CSNK2A1: variants seen among roughly 807,000 people sequenced by gnomAD.
CSNK2A1 encodes the protein casein kinase II subunit alpha.
CSNK2A1 carries 10 observed loss-of-function variants against 62.9 expected under a neutral mutation model. That is an observed-to-expected ratio of 0.16 (90% CI 0.10 to 0.27). The LOEUF (loss-of-function observed/expected upper bound fraction) is 0.27, where lower values mean the gene tolerates loss of function less well. Among genes scored for constraint, CSNK2A1 ranks in the 10% least tolerant of loss-of-function variants. The pLI is 1.00. For missense variants in CSNK2A1, 160 were observed against 492.0 expected (o/e 0.33, Z 6.38); for synonymous variants, 124 against 167.8 (o/e 0.74, Z 2.02).
At chr20:500,485 C>G in intron 4 of CSNK2A1, 1 of 156,562 alleles carries the variant, frequency 6.4e-6, no homozygotes, top group Admixed American at 6.2e-5. Context: ...ACTACATAAC[C>G]TCTCTAAGCC....
At chr20:525,693 C>A (rs907860951) in intron 2 of CSNK2A1, among the ~76,000 whole-genome samples, 8 of 148,496 alleles carry the variant, frequency 5.4e-5, no homozygotes, top group Non-Finnish European at 8.9e-5. Flanking sequence ...AATAATTAGG[C>A]TGTGCACAGT....
intron 1 of CSNK2A1, among the ~76,000 whole-genome samples, chr20:536,562 T>C (rs1276928499): frequency 2.6e-5 from 4 of 152,100 alleles, no homozygotes; most frequent in Non-Finnish European, 5.9e-5. Flanking sequence ...CTTGAAGAGG[T>C]TAAGTAAACT....
chr20:504,730 C>A (rs2018540562), intron 4 of CSNK2A1: 1 of 182,594 alleles, frequency 5.5e-6, no homozygotes, highest in South Asian at 1.8e-4. Flanking sequence ...GCACTAATAT[C>A]ATCTGTCTGT....
chr20:503,709 A>C (rs970936519), intron 4 of CSNK2A1: 6 of 398,506 alleles, frequency 1.5e-5, no homozygotes, highest in African/African-American at 4.1e-5. Context: ...CACAAAAATC[A>C]ATGACAGGAA....
chr20:528,835 C>T (rs1201171771), intron 1 of CSNK2A1, among the ~76,000 whole-genome samples: 2 of 152,174 alleles, frequency 1.3e-5, no homozygotes, highest in Non-Finnish European at 2.9e-5. Context: ...GGCAAAACTG[C>T]ATAACCTTCC....
At chr20:492,042 T>A (rs1341859666) in intron 9 of CSNK2A1, among the ~76,000 whole-genome samples, 1 of 152,202 alleles carries the variant, frequency 6.6e-6, no homozygotes, top group Non-Finnish European at 1.5e-5. Flanking sequence ...GCAAACCTAT[T>A]CATATTCTAC....
intron 3 of CSNK2A1, 189 bp downstream of exon 3, chr20:508,262 C>A: frequency 1.8e-6 from 1 of 544,668 alleles, no homozygotes; most frequent in South Asian, 2.7e-5. Flanking sequence ...TAAAATTGTT[C>A]ACTTGCCAAA....
At chr20:496,135 A>G (rs2018342426) in intron 7 of CSNK2A1, 1 of 235,304 alleles carries the variant, frequency 4.2e-6, no homozygotes, top group African/African-American at 2.2e-5. Context: ...CAAAGAAAGA[A>G]AACAGATCTT....
chr20:517,921 AAACAGTATCATT>A (rs2018861794), intron 2 of CSNK2A1, among the ~76,000 whole-genome samples: 1 of 152,222 alleles, frequency 6.6e-6, no homozygotes, highest in Non-Finnish European at 1.5e-5. Context: ...TGCTTAAAAC[AAACAGTATCATT>A]AATTCACAAG....
At chr20:523,967 G>T (rs2019009519) in intron 2 of CSNK2A1, among the ~76,000 whole-genome samples, 1 of 151,316 alleles carries the variant, frequency 6.6e-6, no homozygotes, top group Admixed American at 6.6e-5. Flanking sequence ...TGCAGAAGGT[G>T]ATATAACTAT....
At chr20:484,159 A>G in intron 13 of CSNK2A1, 83 bp from the exon 14 acceptor site, 1 of 1,140,618 alleles carries the variant, frequency 8.8e-7, no homozygotes, top group South Asian at 1.8e-5. Flanking sequence ...CTGCAAAAGG[A>G]ACACAATAAT....
intron 9 of CSNK2A1, among the ~76,000 whole-genome samples, chr20:490,359 T>TTTTTG: frequency 7.2e-6 from 1 of 138,614 alleles, no homozygotes; most frequent in African/African-American, 2.9e-5. Flanking sequence ...TTTAGTTTTT[T>TTTTTG]TTTTAGTTTT....
chr20:538,269 G>A (rs2019376802), intron 1 of CSNK2A1, among the ~76,000 whole-genome samples: 2 of 152,112 alleles, frequency 1.3e-5, no homozygotes, highest in South Asian at 2.1e-4. Context: ...GGGTACTCAG[G>A]GAACATAGTT....
Position 478,824 on chromosome 20 carries a change from G to A in CSNK2A1, c.*5137C>T. On this transcript the variant is annotated 3_prime_UTR_variant, in exon 14 of 14. Transcript: ENST00000217244. ...TGGCTCGTGCCTGTAGTCCCTGGAA[G>A]GCTGAGTTGGGAGGATCACCTGAGC... The A allele has an allele frequency of 7.0e-6, 2 of 284,004 alleles. No homozygotes were observed. The highest frequency in any genetic ancestry group is 2.7e-5 in the South Asian group (1 of 37,174). The allele number at this position is 284,004 out of a possible 1,614,324, so 17.6% of individuals were successfully genotyped here.
chr20:481,984 T>C lies in CSNK2A1; in HGVS notation c.*1977A>G, dbSNP rs2017964408. 6.6e-6 allele frequency: 1 copy of C among 152,314 alleles called. No individual in the cohort carries two copies. The highest frequency in any genetic ancestry group is 1.9e-4 in the East Asian group (1 of 5,186). The allele number at this position is 152,314 out of a possible 1,614,324, so 9.4% of individuals were successfully genotyped here. On this transcript the variant is annotated 3_prime_UTR_variant, in exon 14 of 14. Coordinates refer to ENST00000217244, the MANE Select transcript of CSNK2A1 (RefSeq NM_177559.3). ...AAATCACCCTGCCACACAGTCAGAA[T>C]GTTTTCCCTTCAGCTCTCCCTACCG...
intron 9 of CSNK2A1, 121 bp from the exon 10 acceptor site, chr20:490,002 A>C: frequency 2.8e-6 from 2 of 701,996 alleles, no homozygotes; most frequent in Non-Finnish European, 2.2e-6. Context: ...CAAAACACTA[A>C]TAACATCTTC....
chr20:522,309 C>T (rs148738829), intron 2 of CSNK2A1, among the ~76,000 whole-genome samples: 1 of 152,358 alleles, frequency 6.6e-6, no homozygotes, highest in East Asian at 1.9e-4. Context: ...AAAAACCTGG[C>T]AGACTTTACT....
At chr20:520,493 T>C (rs910892620) in intron 2 of CSNK2A1, among the ~76,000 whole-genome samples, 1 of 152,150 alleles carries the variant, frequency 6.6e-6, no homozygotes, top group East Asian at 1.9e-4. Flanking sequence ...TACATATATA[T>C]ATAAATATAT....
intron 13 of CSNK2A1, among the ~76,000 whole-genome samples, chr20:485,450 T>C (rs2122500488): frequency 6.6e-6 from 1 of 152,268 alleles, no homozygotes; most frequent in East Asian, 1.9e-4. Context: ...CCCAAAGTGC[T>C]GGGATTACAG....
Sources: allele counts gnomAD v4.1 joint callset (sites outside exome capture counted in the v4.1 genomes callset), GRCh38; gene constraint gnomAD v4.1.1; transcripts MANE v1.5; gene names NCBI Gene and HGNC (gene_info 2026-07-23, HGNC 2026-07-21).